SCFD2: variants seen among roughly 807,000 people sequenced by gnomAD.
SCFD2 encodes sec1 family domain-containing protein 2.
In SCFD2, 54 loss-of-function variants were observed where a neutral mutation model predicts 58.9. That is an observed-to-expected ratio of 0.92 (90% CI 0.74 to 1.15). SCFD2 has a LOEUF of 1.15. SCFD2 is among the 50% of genes most tolerant of loss of function. The pLI, the probability that SCFD2 is intolerant of heterozygous loss-of-function variation, is 0.00. For missense variants in SCFD2, 805 were observed against 836.6 expected (o/e 0.96, Z 0.47); for synonymous variants, 321 against 335.9 (o/e 0.96, Z 0.49).
intron 5 of SCFD2, among the ~76,000 whole-genome samples, chr4:53,086,556 G>C (rs931310041): frequency 6.6e-6 from 1 of 152,156 alleles, no homozygotes; most frequent in Non-Finnish European, 1.5e-5. Flanking sequence ...AAGAAAATCA[G>C]TATGTCAAAG....
intron 5 of SCFD2, among the ~76,000 whole-genome samples, chr4:53,127,079 T>C (rs1373594876): frequency 1.3e-5 from 2 of 152,172 alleles, no homozygotes; most frequent in African/African-American, 4.8e-5. Context: ...AACTTCAGAA[T>C]TTAAAAATCT....
intron 5 of SCFD2, among the ~76,000 whole-genome samples, chr4:52,969,258 C>A (rs1560496999): frequency 6.6e-6 from 1 of 152,180 alleles, no homozygotes; most frequent in Non-Finnish European, 1.5e-5. Context: ...TTGTGGTGGT[C>A]TGTATAGCTA....
At chr4:53,091,819 C>T (rs752688923) in intron 5 of SCFD2, among the ~76,000 whole-genome samples, 2 of 152,112 alleles carry the variant, frequency 1.3e-5, no homozygotes, top group Non-Finnish European at 2.9e-5. Flanking sequence ...GCTACATCTT[C>T]ACTATTAGAC....
intron 4 of SCFD2, among the ~76,000 whole-genome samples, chr4:53,244,559 C>T (rs1433965633): frequency 6.6e-6 from 1 of 152,010 alleles, no homozygotes; most frequent in Admixed American, 6.6e-5. Context: ...AATAAAGATA[C>T]AACATACCAG....
At chr4:52,951,890 A>C (rs2109530867) in intron 5 of SCFD2, among the ~76,000 whole-genome samples, 2 of 152,308 alleles carry the variant, frequency 1.3e-5, no homozygotes, top group South Asian at 4.1e-4. Context: ...TTTTGGGTTA[A>C]TTTGTTACTG....
chr4:53,264,966 T>A (rs1730937447), intron 4 of SCFD2, among the ~76,000 whole-genome samples: 1 of 152,170 alleles, frequency 6.6e-6, no homozygotes, highest in South Asian at 2.1e-4. Context: ...AAAAAACCAT[T>A]TTCCAAGCTG....
At chr4:52,975,031 A>G (rs1721213492) in intron 5 of SCFD2, among the ~76,000 whole-genome samples, 2 of 152,254 alleles carry the variant, frequency 1.3e-5, no homozygotes, top group Admixed American at 6.5e-5. Context: ...AAGATGAATT[A>G]AAGACTTAAA....
intron 1 of SCFD2, among the ~76,000 whole-genome samples, chr4:53,360,559 C>T (rs1242237388): frequency 6.6e-6 from 1 of 152,220 alleles, no homozygotes; most frequent in East Asian, 1.9e-4. Context: ...CTGGCTTTAT[C>T]ACCCTACCAG....
Position 52,986,491 on chromosome 4 carries a change from A to ATTTTTT in SCFD2, c.1562-65627_1562-65622dup, listed in dbSNP as rs369944739. On this transcript the variant is annotated intron_variant, in intron 5 of 8. Transcript: ENST00000401642. The stretch of plus-strand genomic sequence containing the variant: ...ATCTCAAGCTTAGGATCTTCATGAA[A>ATTTTTT]TTTTTTTTTTTTTTTTTTTTTTTTT... 5.8e-4 allele frequency among the ~76,000 whole-genome samples: 49 copies of ATTTTTT among 84,924 alleles called. 1 individual carries two copies. The highest frequency in any genetic ancestry group is 1.6e-3 in the African/African-American group (35 of 21,274). The allele number at this position is 84,924 out of a possible 152,430, so 55.7% of individuals were successfully genotyped here.
chr4:53,319,635 G>A (rs1032494503), intron 2 of SCFD2, among the ~76,000 whole-genome samples: 2 of 151,820 alleles, frequency 1.3e-5, no homozygotes, highest in African/African-American at 4.8e-5. Flanking sequence ...GGGTTCCAGT[G>A]ATTCTCCTGC....
At chr4:53,263,445 T>C (rs1295333022) in intron 4 of SCFD2, among the ~76,000 whole-genome samples, 1 of 152,192 alleles carries the variant, frequency 6.6e-6, no homozygotes, top group Non-Finnish European at 1.5e-5. Context: ...GGGTGCTCCC[T>C]TGATGAACTG....
intron 8 of SCFD2, among the ~76,000 whole-genome samples, chr4:52,879,993 T>C (rs563440201): frequency 6.6e-6 from 1 of 152,322 alleles, no homozygotes; most frequent in African/African-American, 2.4e-5. Context: ...ATTCATGCTG[T>C]ATAGGCACAC....
intron 5 of SCFD2, among the ~76,000 whole-genome samples, chr4:53,074,538 G>A (rs1226554755): frequency 1.3e-5 from 2 of 152,026 alleles, no homozygotes; most frequent in East Asian, 3.9e-4. Context: ...CTACCTCTGG[G>A]AGCTATAGCC....
At chr4:52,889,520 A>G (rs1718832177) in intron 7 of SCFD2, among the ~76,000 whole-genome samples, 1 of 152,206 alleles carries the variant, frequency 6.6e-6, no homozygotes, top group Non-Finnish European at 1.5e-5. Flanking sequence ...TAAGGCTTTT[A>G]CAACTTGGCT....
At chr4:53,267,715 A>C (rs1211579541) in intron 4 of SCFD2, among the ~76,000 whole-genome samples, 2 of 152,150 alleles carry the variant, frequency 1.3e-5, no homozygotes, top group Non-Finnish European at 2.9e-5. Flanking sequence ...TGAGTAGCTG[A>C]AACTACAGAT....
chr4:53,124,460 G>A (rs1003069905), intron 5 of SCFD2, among the ~76,000 whole-genome samples: 3 of 152,056 alleles, frequency 2.0e-5, no homozygotes, highest in East Asian at 3.9e-4. Flanking sequence ...CAAATATGTA[G>A]GTGTGAAAGA....
intron 4 of SCFD2, among the ~76,000 whole-genome samples, chr4:53,236,109 G>A (rs1729597817): frequency 6.6e-6 from 1 of 152,134 alleles, no homozygotes; most frequent in African/African-American, 2.4e-5. Flanking sequence ...AGTGGGTTGG[G>A]GAAGGCAGAT....
intron 7 of SCFD2, among the ~76,000 whole-genome samples, chr4:52,887,788 G>C (rs887506653): frequency 2.6e-5 from 4 of 152,152 alleles, no homozygotes; most frequent in Non-Finnish European, 4.4e-5. Flanking sequence ...GTGCCTGGGG[G>C]AGGAGCAGGT....
chr4:52,936,724 C>T (rs1018346729), intron 5 of SCFD2, among the ~76,000 whole-genome samples: 3 of 152,218 alleles, frequency 2.0e-5, no homozygotes, highest in South Asian at 2.1e-4. Context: ...GCACTCTCCT[C>T]TCCACTCCTC....
Sources: allele counts gnomAD v4.1 joint callset (sites outside exome capture counted in the v4.1 genomes callset), GRCh38; gene constraint gnomAD v4.1.1; transcripts MANE v1.5; gene names NCBI Gene and HGNC (gene_info 2026-07-23, HGNC 2026-07-21).